Variants in CDC14B observed in about 807,000 individuals in gnomAD.
CDC14B encodes cell division cycle 14B.
A neutral mutation model predicts 64.2 loss-of-function variants in CDC14B; 22 were observed. The observed-to-expected ratio is 0.34, with a 90% CI of 0.24 to 0.49. The LOEUF is 0.49. Among genes scored for constraint, CDC14B ranks in the 20% least tolerant of loss-of-function variants. CDC14B has a pLI of 0.99. For missense variants in CDC14B, 498 were observed against 629.9 expected (o/e 0.79, Z 2.24); for synonymous variants, 191 against 215.8 (o/e 0.89, Z 1.01).
chr9:96,561,733 C>T (rs570924593), intron 4 of CDC14B, among the ~76,000 whole-genome samples: 5 of 151,874 alleles, frequency 3.3e-5, no homozygotes, highest in Admixed American at 2.6e-4. Flanking sequence ...ATGATCTGCC[C>T]GCCTCAGCCT....
intron 4 of CDC14B, among the ~76,000 whole-genome samples, chr9:96,558,866 T>C (rs891929623): frequency 3.9e-5 from 6 of 152,260 alleles, no homozygotes; most frequent in Non-Finnish European, 5.9e-5. Context: ...AAGTCATCTT[T>C]TATATTTTTC....
At chr9:96,517,892 G>A (rs1258753959) in intron 12 of CDC14B, among the ~76,000 whole-genome samples, 2 of 150,942 alleles carry the variant, frequency 1.3e-5, no homozygotes, top group Non-Finnish European at 2.9e-5. Flanking sequence ...GGCTGGTCTC[G>A]AACTCCTGGG....
intron 9 of CDC14B, among the ~76,000 whole-genome samples, chr9:96,526,380 G>A (rs1465959357): frequency 6.6e-6 from 1 of 151,988 alleles, no homozygotes; most frequent in Non-Finnish European, 1.5e-5. Flanking sequence ...AAAAATAAAA[G>A]AAAGAGACGG....
At chr9:96,602,876 T>C (rs1456611789) in intron 1 of CDC14B, among the ~76,000 whole-genome samples, 2 of 152,064 alleles carry the variant, frequency 1.3e-5, no homozygotes, top group Non-Finnish European at 2.9e-5. Context: ...AGAAACTTTA[T>C]TTGTGGGCTG....
intron 12 of CDC14B, among the ~76,000 whole-genome samples, chr9:96,512,111 G>A (rs886248479): frequency 6.6e-6 from 1 of 151,710 alleles, no homozygotes; most frequent in African/African-American, 2.4e-5. Flanking sequence ...CCAGCTACTT[G>A]GGAGGTTGAG....
At chr9:96,530,272 C>T (rs1010712943) in intron 9 of CDC14B, among the ~76,000 whole-genome samples, 4 of 149,674 alleles carry the variant, frequency 2.7e-5, no homozygotes, top group Admixed American at 6.7e-5. Context: ...TGTGTGTGTG[C>T]GTAATCTTGA....
intron 1 of CDC14B, among the ~76,000 whole-genome samples, chr9:96,604,636 G>T (rs1435038572): frequency 6.6e-6 from 1 of 151,452 alleles, no homozygotes; most frequent in East Asian, 2.0e-4. Flanking sequence ...TGCCTTACAG[G>T]CATGAGCCAC....
intron 9 of CDC14B, among the ~76,000 whole-genome samples, chr9:96,530,962 A>C (rs1838375167): frequency 6.6e-6 from 1 of 152,142 alleles, no homozygotes; most frequent in African/African-American, 2.4e-5. Context: ...ATTGATTTTC[A>C]TATGTTGAAC....
intron 1 of CDC14B, among the ~76,000 whole-genome samples, chr9:96,588,458 C>G (rs913560612): frequency 6.6e-6 from 1 of 152,130 alleles, no homozygotes; most frequent in Non-Finnish European, 1.5e-5. Context: ...TTAGTTTTAT[C>G]CAGAATAGGA....
chr9:96,580,244 T>C (rs75255152), intron 1 of CDC14B, among the ~76,000 whole-genome samples: 1 of 152,036 alleles, frequency 6.6e-6, no homozygotes, highest in African/African-American at 2.4e-5. Flanking sequence ...TTTTTTTTTT[T>C]TGAGACGGAG....
At chr9:96,587,729 AGAGT>A (rs932603721) in intron 1 of CDC14B, among the ~76,000 whole-genome samples, 6 of 152,186 alleles carry the variant, frequency 3.9e-5, no homozygotes, top group African/African-American at 1.4e-4. Flanking sequence ...GCACCAAGGA[AGAGT>A]AAGTAGCCTG....
At chr9:96,514,843 G>T (rs1835413750) in intron 12 of CDC14B, 1 of 985,260 alleles carries the variant, frequency 1.0e-6, no homozygotes. Context: ...ACATTCTTCT[G>T]CAGAAATAAA....
intron 4 of CDC14B, among the ~76,000 whole-genome samples, chr9:96,555,202 T>C (rs937265195): frequency 1.5e-4 from 23 of 152,294 alleles, no homozygotes; most frequent in African/African-American, 5.5e-4. Context: ...ACGAACAGGA[T>C]ACTGGAGTAA....
chr9:96,497,631 G>A (rs1448883232), downstream of CDC14B, among the ~76,000 whole-genome samples: 4 of 152,216 alleles, frequency 2.6e-5, no homozygotes, highest in Non-Finnish European at 5.9e-5. Context: ...AGAGGAGCGG[G>A]CAGCGGCGAC....
At position 96,508,361 on chromosome 9, in the gene CDC14B, G is replaced by A. The variant is rs1466902765; in HGVS notation, c.1460+1312C>T. 5.4e-5 allele frequency among the ~76,000 whole-genome samples: 3 copies of A among 55,696 alleles called. No individual in the cohort carries two copies. The African/African-American group carries it at 5.9e-4, about 11-fold the overall frequency. The allele number at this position is 55,696 out of a possible 152,430, so 36.5% of individuals were successfully genotyped here. A position where few individuals can be genotyped will look rare whatever the true frequency, so the allele number is the denominator to read the frequency against. ...CATGGCTCTTTTCACTTACTGCTTC[G>A]TGTACTAAACTAAATGTATGACTCC... On this transcript the variant is annotated intron_variant, in intron 13 of 13. Coordinates refer to ENST00000375241, the MANE Select transcript of CDC14B (RefSeq NM_033331.4).
At chr9:96,598,911 T>C (rs1846253254) in intron 1 of CDC14B, among the ~76,000 whole-genome samples, 2 of 152,236 alleles carry the variant, frequency 1.3e-5, no homozygotes, top group Admixed American at 1.3e-4. Flanking sequence ...TGAAATTCTA[T>C]GTAGGTACAA....
chr9:96,551,694 A>T (rs1841869442), intron 5 of CDC14B, 102 bp downstream of exon 5: 1 of 1,503,304 alleles, frequency 6.7e-7, no homozygotes, highest in Middle Eastern at 2.4e-4. Flanking sequence ...CGCTCATCCT[A>T]AAATGACTAT....
chr9:96,573,725 G>A (rs914555257), intron 1 of CDC14B, among the ~76,000 whole-genome samples: 1 of 152,122 alleles, frequency 6.6e-6, no homozygotes, highest in African/African-American at 2.4e-5. Flanking sequence ...TAAATTGCAT[G>A]CTGATGTATG....
chr9:96,617,408 T>C (rs1216574523), intron 1 of CDC14B, among the ~76,000 whole-genome samples: 1 of 152,062 alleles, frequency 6.6e-6, no homozygotes, highest in Non-Finnish European at 1.5e-5. Context: ...ACTGTCTAAA[T>C]AGGTTAAAAA....
Sources: gnomAD v4.1 joint callset for allele counts (sites outside exome capture counted in the v4.1 genomes callset) on GRCh38, gnomAD v4.1.1 for gene constraint, MANE v1.5 for transcripts, NCBI Gene and HGNC (gene_info 2026-07-23, HGNC 2026-07-21) for gene names.